PIAS2: variants seen among roughly 807,000 people sequenced by gnomAD.
The protein encoded by PIAS2 is protein inhibitor of activated STAT 2.
PIAS2 carries 19 observed loss-of-function variants against 69.7 expected under a neutral mutation model. The ratio of observed to expected loss-of-function variants is 0.27; its 90% confidence interval spans 0.19 to 0.40. The LOEUF (loss-of-function observed/expected upper bound fraction) is 0.40. Among genes scored for constraint, PIAS2 ranks in the 10% least tolerant of loss-of-function variants. PIAS2 has a pLI of 1.00. For missense variants in PIAS2, 624 were observed against 757.0 expected (o/e 0.82, Z 2.06); for synonymous variants, 261 against 263.2 (o/e 0.99, Z 0.08).
rs75687409 is a variant in PIAS2, at chr18:46,815,725, T to C, written c.1649-376A>G. 3.0e-6 allele frequency: 3 copies of C among 1,003,038 alleles called. No individual in the cohort carries two copies. The East Asian group carries it at 3.1e-4, about 104-fold the overall frequency. The allele number at this position is 1,003,038 out of a possible 1,614,324, so 62.1% of individuals were successfully genotyped here. ...AAAAAACATACTTAAGCTCTTAAGA[T>C]ATTTCACATTTATTTTTCAGAAATA... On this transcript the variant is annotated intron_variant, in intron 12 of 13. Coordinates refer to ENST00000585916, the MANE Select transcript of PIAS2 (RefSeq NM_004671.5).
chr18:46,851,867 T>TC (rs1568516034), intron 5 of PIAS2, among the ~76,000 whole-genome samples: 2 of 152,206 alleles, frequency 1.3e-5, no homozygotes, highest in Non-Finnish European at 2.9e-5. Context: ...CATAAGGACT[T>TC]CTTCCAGGAC....
chr18:46,881,223 G>A (rs750177128), intron 2 of PIAS2, among the ~76,000 whole-genome samples: 1 of 152,054 alleles, frequency 6.6e-6, no homozygotes. Flanking sequence ...ATCTCTGAAC[G>A]ACCCCAGGCT....
rs1016081277 is a variant in PIAS2, at chr18:46,890,732, G to A, written c.347C>T (p.Ser116Phe). The A allele has an allele frequency of 3.1e-6, 5 of 1,614,012 alleles. No homozygotes were observed. The highest frequency in any genetic ancestry group is 4.2e-6 in the Non-Finnish European group (5 of 1,180,020). The part of the protein sequence containing the change: ...STSVTPHSPS[S>F]PVGSVLLQDT... ...TTGAAGCAGCACAGAACCAACAGGAGAGGATGGTGAGTGAGGTGTAACTGA... is the reference window on the plus strand; with the variant it reads ...TTGAAGCAGCACAGAACCAACAGGAAAGGATGGTGAGTGAGGTGTAACTGA... The change falls in exon 2 of 14, where the codon TCT becomes TTT. Residue 116 changes from serine (S) to phenylalanine (F), a missense_variant. Transcript: ENST00000585916.
intron 2 of PIAS2, among the ~76,000 whole-genome samples, chr18:46,865,640 A>C (rs1440646274): frequency 6.6e-6 from 1 of 152,202 alleles, no homozygotes; most frequent in Non-Finnish European, 1.5e-5. Context: ...TTCAACCACA[A>C]GTCACATCAA....
chr18:46,845,874 A>G (rs909422045), intron 6 of PIAS2, among the ~76,000 whole-genome samples: 2 of 152,118 alleles, frequency 1.3e-5, no homozygotes, highest in Non-Finnish European at 2.9e-5. Flanking sequence ...ATTTATTCCA[A>G]TGTCTGTAAA....
intron 9 of PIAS2, among the ~76,000 whole-genome samples, chr18:46,830,457 T>C (rs1430474655): frequency 6.6e-6 from 1 of 151,982 alleles, no homozygotes; most frequent in Non-Finnish European, 1.5e-5. Flanking sequence ...TGTAATAAAA[T>C]TTGTGGACTG....
intron 1 of PIAS2, chr18:46,905,896 T>TA (rs2056535788): frequency 6.6e-6 from 1 of 152,146 alleles, no homozygotes; most frequent in Non-Finnish European, 1.5e-5. Context: ...AGAAAAGGTA[T>TA]ATTTTTTAAC....
intron 8 of PIAS2, among the ~76,000 whole-genome samples, chr18:46,840,243 T>C (rs1034420591): frequency 6.6e-6 from 1 of 152,164 alleles, no homozygotes; most frequent in African/African-American, 2.4e-5. Context: ...ATTTGTATAT[T>C]AGAAATTAAA....
chr18:46,863,328 T>C (rs773155172), intron 3 of PIAS2, among the ~76,000 whole-genome samples: 3 of 152,158 alleles, frequency 2.0e-5, no homozygotes, highest in Admixed American at 6.5e-5. Context: ...TTACCCAATA[T>C]ATATATTTTT....
intron 6 of PIAS2, among the ~76,000 whole-genome samples, chr18:46,845,551 C>T (rs898201597): frequency 1.3e-5 from 2 of 151,930 alleles, no homozygotes; most frequent in African/African-American, 4.8e-5. Flanking sequence ...AATCCCATAC[C>T]TGTTAGATCT....
rs1412685307 is a variant in PIAS2, at chr18:46,805,008, C to G, written c.*7425G>C. 6.6e-6 allele frequency: 1 copy of G among 152,230 alleles called. No homozygotes were observed. Among genetic ancestry groups the G allele is most frequent in the Non-Finnish European group, 1.5e-5 (1 of 68,074 alleles). 9.4% of individuals were successfully genotyped at this position (152,230 alleles called of 1,614,324 possible). The stretch of plus-strand genomic sequence containing the variant: ...GTTGGCCTTAAAGGCCTACCTCATT[C>G]TCTGAAACTGGAAACAAAAAAGGAT... On this transcript the variant is annotated 3_prime_UTR_variant, in exon 14 of 14. Coordinates refer to ENST00000585916, the MANE Select transcript of PIAS2 (RefSeq NM_004671.5).
In PIAS2 at chr18:46,890,945, A is replaced by G. The variant is rs1335090768; in HGVS notation, c.134T>C (p.Leu45Ser). ...AACCGCAGGGCTGCAGCCGCTCTTC[A>G]ATAAATGCAGCGCCCTCATCAGGAG... ...HDLLMRALHL[L>S]KSGCSPAVQI... is the part of the protein sequence containing the mutation. Residue 45 changes from leucine to serine, a missense_variant, in exon 2 of 14, where the codon TTG (leucine) becomes TCG (serine). Transcript: ENST00000585916. 6.2e-7 allele frequency: 1 copy of G among 1,614,234 alleles called. No homozygotes were observed. The highest frequency in any genetic ancestry group is 8.5e-7 in the Non-Finnish European group (1 of 1,180,036).
At chr18:46,835,744 G>A (rs2044334078) in intron 9 of PIAS2, among the ~76,000 whole-genome samples, 1 of 152,186 alleles carries the variant, frequency 6.6e-6, no homozygotes, top group South Asian at 2.1e-4. Context: ...CATCACCATA[G>A]GATGGTACTG....
intron 1 of PIAS2, among the ~76,000 whole-genome samples, chr18:46,900,833 G>C (rs894087983): frequency 6.6e-6 from 1 of 151,856 alleles, no homozygotes; most frequent in African/African-American, 2.4e-5. Context: ...AATTAGCTGG[G>C]CCCGGTGGCA....
At chr18:46,919,585 GT>G (rs1172083073), upstream of PIAS2, among the ~76,000 whole-genome samples, 2 of 152,140 alleles carry the variant, frequency 1.3e-5, no homozygotes, top group Non-Finnish European at 2.9e-5. Flanking sequence ...GGAGGTGGAG[GT>G]TGCAGTGAGC....
rs2041014384 is a variant in PIAS2 at position 46,811,736 on chromosome 18, A to C, written c.*697T>G. The C allele has an allele frequency of 6.6e-6, 1 of 152,278 alleles. No individual in the cohort carries two copies. The highest frequency in any genetic ancestry group is 2.1e-4 in the South Asian group (1 of 4,836). 9.4% of individuals were successfully genotyped at this position (152,278 alleles called of 1,614,324 possible). ...CATAGTGCTTTTAAACATAATCACC[A>C]ATGAAGAGTAGCCAAATCCCAGAAC... On this transcript the variant is annotated 3_prime_UTR_variant, in exon 14 of 14. Coordinates refer to ENST00000585916, the MANE Select transcript of PIAS2 (RefSeq NM_004671.5).
chr18:46,913,329 T>C (rs2057459732), intron 1 of PIAS2, among the ~76,000 whole-genome samples: 1 of 152,166 alleles, frequency 6.6e-6, no homozygotes, highest in African/African-American at 2.4e-5. Context: ...TTAGGCTTCT[T>C]AGCATGAAAG....
rs777849355 is a variant in PIAS2 at position 46,828,133 on chromosome 18, G to T, written c.1337-3C>A. Reference sequence around the variant, plus strand: ...AGGCTTACTGAGGACGCTTGAACCTGCATGTAAAGAAACAAAAGGAAAAAA... The same window carrying T: ...AGGCTTACTGAGGACGCTTGAACCTTCATGTAAAGAAACAAAAGGAAAAAA... On this transcript the variant is annotated splice_polypyrimidine_tract_variant and splice_region_variant and intron_variant, in intron 10 of 13. Transcript: ENST00000585916. 1.9e-6 allele frequency: 3 copies of T among 1,581,046 alleles called. No homozygotes were observed. The Admixed American group carries it at 5.8e-5, about 31-fold the overall frequency.
chr18:46,857,501 G>T (rs927844366), intron 3 of PIAS2, among the ~76,000 whole-genome samples: 1 of 152,162 alleles, frequency 6.6e-6, no homozygotes, highest in Non-Finnish European at 1.5e-5. Flanking sequence ...CTTCTGCTTA[G>T]TGGCTCCACT....
Sources: allele counts gnomAD v4.1 joint callset (sites outside exome capture counted in the v4.1 genomes callset), GRCh38; gene constraint gnomAD v4.1.1; transcripts MANE v1.5; gene names NCBI Gene and HGNC (gene_info 2026-07-23, HGNC 2026-07-21).